The following PLA2G6 variants were observed in gnomAD, a reference collection of about 807,000 sequenced individuals.
The protein encoded by PLA2G6 is phospholipase A2 group VI, also known as 85/88 kDa calcium-independent phospholipase A2.
Under a neutral mutation model 83.8 loss-of-function variants are expected in PLA2G6, and 62 were observed. The observed-to-expected ratio is 0.74, with a 90% confidence interval of 0.60 to 0.91. PLA2G6 has a LOEUF of 0.91. PLA2G6 is among the 40% of genes least tolerant of loss of function. The pLI is 0.00. For missense variants in PLA2G6, 944 were observed against 1,102.0 expected (o/e 0.86, Z 2.03); for synonymous variants, 417 against 449.8 (o/e 0.93, Z 0.92).
At chr22:38,125,807 T>C in intron 10 of PLA2G6, 1 of 438,766 alleles carries the variant, frequency 2.3e-6, no homozygotes, top group Non-Finnish European at 4.7e-6. Flanking sequence ...GCACAGTGGC[T>C]GGAAACGCAT....
intron 1 of PLA2G6, among the ~76,000 whole-genome samples, chr22:38,175,318 C>T (rs978667394): frequency 6.6e-6 from 1 of 152,230 alleles, no homozygotes; most frequent in East Asian, 1.9e-4. Context: ...AGCCTGACAC[C>T]CCTCCATGCC....
At position 38,132,848 on chromosome 22, in the gene PLA2G6, G is replaced by A. The variant is rs1301246316; in HGVS notation, c.1060C>T (p.Leu354=). 2 of 1,548,946 alleles carry A rather than the reference G, an allele frequency of 1.3e-6. No individual in the cohort carries two copies. The highest frequency in any genetic ancestry group is 2.7e-5 in the African/African-American group (2 of 73,146). The change falls in exon 7 of 17, where the codon CTG becomes TTG. Residue 354 remains leucine (L), a synonymous_variant. Coordinates refer to ENST00000332509, the MANE Select transcript of PLA2G6 (RefSeq NM_003560.4). The surrounding 1 kb of genome is among the most constrained non-coding windows in gnomAD (Gnocchi z 5.0). Reference sequence around the variant, plus strand: ...GGGCTCACCGACATGGCCAGGTGCAGCGGGGTGTTGCCGTGCTCTCCGCGG... The same window carrying A: ...GGGCTCACCGACATGGCCAGGTGCAACGGGGTGTTGCCGTGCTCTCCGCGG... ...DARGEHGNTP[L]HLAMSKDNVE...
intron 2 of PLA2G6, among the ~76,000 whole-genome samples, chr22:38,155,681 T>A (rs1009032035): frequency 1.3e-5 from 2 of 151,950 alleles, no homozygotes; most frequent in South Asian, 4.2e-4. Flanking sequence ...ATACAGCAGA[T>A]ACACACAAAA....
intron 4 of PLA2G6, chr22:38,142,348 A>G (rs2088966846): frequency 6.6e-6 from 1 of 152,510 alleles, no homozygotes; most frequent in Non-Finnish European, 1.5e-5. Context: ...TTTCTGTTCA[A>G]TCTAATATAT....
At chr22:38,177,609 C>T (rs1345872678) in intron 1 of PLA2G6, among the ~76,000 whole-genome samples, 13 of 151,910 alleles carry the variant, frequency 8.6e-5, no homozygotes, top group Admixed American at 7.9e-4. Context: ...ATTACAGGCG[C>T]GCACCACCAC....
chr22:38,145,055 TCCTA>T, intron 3 of PLA2G6: 1 of 217,584 alleles, frequency 4.6e-6, no homozygotes, highest in Admixed American at 5.5e-5. Context: ...TTTTTTTTTT[TCCTA>T]GAGACAAGGT....
chr22:38,162,236 AAAG>A (rs2090046793), intron 2 of PLA2G6, among the ~76,000 whole-genome samples: 1 of 151,814 alleles, frequency 6.6e-6, no homozygotes, highest in Non-Finnish European at 1.5e-5. Flanking sequence ...AAAAAAAAAA[AAAG>A]AAAGTGAGAG....
At position 38,128,696 on chromosome 22, in the gene PLA2G6, C is replaced by A. The variant is rs1324189438; in HGVS notation, c.1187-266G>T. Reference sequence around the variant, plus strand: ...TGCCCGATGCCTGTGGGAACCCCTTCTTTCCTTCTACTCCAGCCAAGAAAG... The same window carrying A: ...TGCCCGATGCCTGTGGGAACCCCTTATTTCCTTCTACTCCAGCCAAGAAAG... On this transcript the variant is annotated intron_variant, in intron 8 of 16. Transcript: ENST00000332509. This position sits in a 1 kb window ranked among gnomAD's most constrained non-coding sequence, Gnocchi z 4.4. Among the ~76,000 whole-genome samples the A allele has an allele frequency of 6.6e-6, 1 of 152,226 alleles. No homozygotes were observed. Among genetic ancestry groups the A allele is most frequent in the African/African-American group, 2.4e-5 (1 of 41,462 alleles).
intron 2 of PLA2G6, among the ~76,000 whole-genome samples, chr22:38,152,542 TA>T (rs2089609597): frequency 6.6e-6 from 1 of 151,008 alleles, no homozygotes; most frequent in South Asian, 2.1e-4. Context: ...GTTAACAACT[TA>T]TTTTCTCTTC....
chr22:38,171,923 A>G (rs566001312), intron 1 of PLA2G6, among the ~76,000 whole-genome samples: 24 of 152,178 alleles, frequency 1.6e-4, no homozygotes, highest in African/African-American at 5.5e-4. Context: ...CAGCCTCTCA[A>G]AGTGCTGGGA....
rs1267374928 is a variant in PLA2G6, at chr22:38,132,316, G to A, written c.1077+515C>T. On this transcript the variant is annotated intron_variant, in intron 7 of 16. Transcript: ENST00000332509. This position sits in a 1 kb window ranked among gnomAD's most constrained non-coding sequence, Gnocchi z 5.0. ...TGCACACTCAGGCTTTGCCTGCCAG[G>A]ATCTTACAGCCTCCCAGGGAAGATG... 1.5e-5 allele frequency: 5 copies of A among 328,346 alleles called. No homozygotes were observed. Among genetic ancestry groups the A allele is most frequent in the Non-Finnish European group, 3.0e-5 (5 of 167,800 alleles). The allele number at this position is 328,346 out of a possible 1,614,324, so 20.3% of individuals were successfully genotyped here.
chr22:38,115,976 C>T (rs567496590), intron 13 of PLA2G6, 99 bp downstream of exon 13: 320 of 1,514,190 alleles, frequency 2.1e-4, no homozygotes, highest in South Asian at 5.2e-4. Flanking sequence ...GCTGGTGGCA[C>T]GGTGAGGGTG....
chr22:38,112,843 G>C (rs773998357), intron 15 of PLA2G6: 74 of 583,342 alleles, frequency 1.3e-4, no homozygotes, highest in Non-Finnish European at 2.1e-4. Context: ...CGGCTGAGTC[G>C]ACAGGCCTCC....
At chr22:38,140,501 T>G in intron 4 of PLA2G6, 1 of 282,346 alleles carries the variant, frequency 3.5e-6, no homozygotes, top group South Asian at 3.5e-5. Flanking sequence ...GAGCAAAAAC[T>G]CTGTCTAAAA....
In PLA2G6 at chr22:38,111,625, G is replaced by A. The variant is rs889449610; in HGVS notation, c.*536C>T. ...TGGGGCAGTGTGAGGGGCTGGGCCAGTGTGAGGGGCAAAGTCCAACGGGCA... is the reference window on the plus strand; with the variant it reads ...TGGGGCAGTGTGAGGGGCTGGGCCAATGTGAGGGGCAAAGTCCAACGGGCA... On this transcript the variant is annotated 3_prime_UTR_variant, in exon 17 of 17. Coordinates refer to ENST00000332509, the MANE Select transcript of PLA2G6 (RefSeq NM_003560.4). 35 of 186,432 alleles carry A rather than the reference G, an allele frequency of 1.9e-4. No homozygotes were observed. The highest frequency in any genetic ancestry group is 3.1e-4 in the Non-Finnish European group (27 of 87,764). The allele number at this position is 186,432 out of a possible 1,614,324, so 11.5% of individuals were successfully genotyped here.
At position 38,112,165 on chromosome 22, in the gene PLA2G6, G is replaced by A; in HGVS notation, c.2417C>T (p.Pro806Leu). 1.3e-6 allele frequency: 2 copies of A among 1,581,660 alleles called. No homozygotes were observed. Among genetic ancestry groups the A allele is most frequent in the South Asian group, 1.2e-5 (1 of 86,566 alleles). ...CCGGTGAGAGGCTGGGGACCCTCAG[G>A]GTGAGAGCAGCAGCTGGATGAGCTT... ...FQKLIQLLLS[P>L] The change falls in exon 17 of 17, where the codon CCC becomes CTC. Residue 806 changes from proline to leucine, a missense_variant. Physicochemically the swap from Pro to Leu is moderately conservative, Grantham distance 98. Transcript: ENST00000332509.
At chr22:38,127,604 GC>G in intron 9 of PLA2G6, 2 of 482,280 alleles carry the variant, frequency 4.1e-6, no homozygotes, top group South Asian at 3.5e-5. Context: ...AGGTGCTGCC[GC>G]CTCCACAGTG....
rs11570632 is a variant in PLA2G6 at position 38,145,707 on chromosome 22, G to A, written c.210-54C>T. 479 of 1,271,954 alleles carry A rather than the reference G, an allele frequency of 3.8e-4. 1 individual carries two copies. In the African/African-American group the frequency reaches 5.3e-3, roughly 14 times the overall value. 78.8% of individuals were successfully genotyped at this position (1,271,954 alleles called of 1,614,324 possible). On this transcript the variant is annotated intron_variant, in intron 2 of 16. Transcript: ENST00000332509. ...CCGAAATGAGTAAGGCGGGACCCTC[G>A]GCCCACATCCCTGCTGGAATCAGAA...
chr22:38,149,196 A>C (rs946962428), intron 2 of PLA2G6: 4 of 152,238 alleles, frequency 2.6e-5, no homozygotes, highest in African/African-American at 9.6e-5. Flanking sequence ...CATACTTGCA[A>C]ATACAATGAC....
Sources: allele counts gnomAD v4.1 joint callset (sites outside exome capture counted in the v4.1 genomes callset), GRCh38; gene constraint gnomAD v4.1.1; non-coding constraint Gnocchi (gnomAD v3.1); transcripts MANE v1.5; gene names NCBI Gene and HGNC (gene_info 2026-07-23, HGNC 2026-07-21).